The following GRIP1 variants were observed in gnomAD, a reference collection of about 807,000 sequenced individuals.
GRIP1 encodes glutamate receptor interacting protein 1.
Under a neutral mutation model 129.9 loss-of-function variants are expected in GRIP1, and 45 were observed. That is an observed-to-expected ratio of 0.35 (90% CI 0.27 to 0.44). GRIP1 has a LOEUF of 0.44. Ranked by LOEUF, GRIP1 falls within the 20% of genes least tolerant of loss-of-function variation. The probability of loss-of-function intolerance (pLI) is 1.00; values close to 1 mark genes in which losing one functional copy is unlikely to be tolerated. For synonymous variants in GRIP1, 530 were observed against 520.8 expected (o/e 1.02, Z -0.24); for missense variants, 1,196 against 1,396.8 (o/e 0.86, Z 2.29).
At chr12:66,351,690 G>A (rs556727752) in intron 24 of GRIP1, among the ~76,000 whole-genome samples, 6 of 151,870 alleles carry the variant, frequency 4.0e-5, no homozygotes, top group Admixed American at 2.6e-4. Flanking sequence ...GCTGCTGTTC[G>A]ATATAGGAGG....
At chr12:66,527,036 G>T (rs1424021502) in intron 5 of GRIP1, among the ~76,000 whole-genome samples, 1 of 142,758 alleles carries the variant, frequency 7.0e-6, no homozygotes, top group Non-Finnish European at 1.5e-5. Flanking sequence ...ACAGGTGCTG[G>T]AGAGGATGTG....
chr12:66,706,671 CA>C (rs1397737185), intron 1 of GRIP1, among the ~76,000 whole-genome samples: 7 of 151,990 alleles, frequency 4.6e-5, no homozygotes, highest in Non-Finnish European at 1.0e-4. Flanking sequence ...ATACACCACG[CA>C]ATACTATGCA....
chr12:66,465,266 A>G lies in GRIP1; in HGVS notation c.872+9T>C, dbSNP rs917043682. 23 of 1,612,784 alleles carry G rather than the reference A, an allele frequency of 1.4e-5. No homozygotes were observed. Among genetic ancestry groups the G allele is most frequent in the Non-Finnish European group, 2.0e-5 (23 of 1,179,080 alleles). On this transcript the variant is annotated intron_variant, in intron 8 of 24. Transcript: ENST00000359742. ...TGGCGGAAAAGTAGGCACTTTCTACAATACTTACCTGTCTGCAATACTTGC... is the reference window on the plus strand; with the variant it reads ...TGGCGGAAAAGTAGGCACTTTCTACGATACTTACCTGTCTGCAATACTTGC...
intron 1 of GRIP1, among the ~76,000 whole-genome samples, chr12:66,752,779 T>C (rs2037167613): frequency 6.6e-6 from 1 of 152,172 alleles, no homozygotes; most frequent in African/African-American, 2.4e-5. Flanking sequence ...AGGGAAACTG[T>C]AGGGAAATAT....
At chr12:66,597,769 C>A (rs1038892302) in intron 1 of GRIP1, among the ~76,000 whole-genome samples, 57 of 150,286 alleles carry the variant, frequency 3.8e-4, no homozygotes, top group Non-Finnish European at 1.8e-4. Context: ...TTTTTTTTAA[C>A]CTTGAAAAGG....
intron 1 of GRIP1, among the ~76,000 whole-genome samples, chr12:66,955,181 C>A (rs1458480982): frequency 6.6e-6 from 1 of 152,118 alleles, no homozygotes; most frequent in Non-Finnish European, 1.5e-5. Flanking sequence ...GATACTGGGA[C>A]TGGAGCAGTG....
At chr12:66,910,249 C>T (rs904814850) in intron 1 of GRIP1, among the ~76,000 whole-genome samples, 1 of 152,156 alleles carries the variant, frequency 6.6e-6, no homozygotes, top group African/African-American at 2.4e-5. Context: ...GCCTTTCTCC[C>T]CAGTTGTCAT....
intron 1 of GRIP1, among the ~76,000 whole-genome samples, chr12:66,966,592 G>A (rs538955551): frequency 3.3e-5 from 5 of 152,140 alleles, no homozygotes; most frequent in South Asian, 2.1e-4. Context: ...GTTTCCTTAC[G>A]GTCCTCTTGG....
intron 1 of GRIP1, among the ~76,000 whole-genome samples, chr12:66,780,985 C>T (rs2038140385): frequency 6.6e-6 from 1 of 152,114 alleles, no homozygotes; most frequent in Non-Finnish European, 1.5e-5. Context: ...AAACTGTCTG[C>T]TGTGCTCCAT....
At chr12:66,826,394 A>G (rs2039413967) in intron 1 of GRIP1, among the ~76,000 whole-genome samples, 1 of 152,152 alleles carries the variant, frequency 6.6e-6, no homozygotes, top group Non-Finnish European at 1.5e-5. Context: ...TGGCACGTGT[A>G]TATCTATGTT....
intron 1 of GRIP1, among the ~76,000 whole-genome samples, chr12:66,789,386 T>C (rs552422515): frequency 2.0e-5 from 3 of 152,272 alleles, no homozygotes; most frequent in South Asian, 4.1e-4. Flanking sequence ...CCATTTAAAT[T>C]TTCAGTGCTT....
chr12:66,826,382 C>A (rs965476211), intron 1 of GRIP1, among the ~76,000 whole-genome samples: 9 of 151,980 alleles, frequency 5.9e-5, no homozygotes, highest in Non-Finnish European at 1.0e-4. Context: ...AGCAAACCAC[C>A]ATGGCACGTG....
At chr12:66,368,466 T>C (rs1020813993) in intron 23 of GRIP1, among the ~76,000 whole-genome samples, 2 of 152,136 alleles carry the variant, frequency 1.3e-5, no homozygotes, top group African/African-American at 4.8e-5. Flanking sequence ...CGGTGTGCTA[T>C]TCATCTCTCC....
chr12:66,498,114 C>T (rs916931395), intron 7 of GRIP1, among the ~76,000 whole-genome samples: 2 of 152,206 alleles, frequency 1.3e-5, no homozygotes, highest in African/African-American at 4.8e-5. Context: ...CCACCCTTAT[C>T]TCCCTTCGCT....
At chr12:66,748,998 A>G (rs2037041255) in intron 1 of GRIP1, among the ~76,000 whole-genome samples, 1 of 152,204 alleles carries the variant, frequency 6.6e-6, no homozygotes, top group Non-Finnish European at 1.5e-5. Flanking sequence ...GGGATAATGC[A>G]CAGCAGACAC....
chr12:67,017,658 T>C (rs2042807937), intron 1 of GRIP1, among the ~76,000 whole-genome samples: 1 of 152,098 alleles, frequency 6.6e-6, no homozygotes. Context: ...GCACTGGAAG[T>C]AACATGGTGT....
intron 14 of GRIP1, among the ~76,000 whole-genome samples, chr12:66,426,389 T>C (rs1471866008): frequency 6.6e-6 from 1 of 152,284 alleles, no homozygotes; most frequent in Non-Finnish European, 1.5e-5. Context: ...AATATTTGTA[T>C]AGAAGTTTAG....
Position 66,377,248 on chromosome 12 carries a change from C to T in GRIP1, c.2659G>A (p.Glu887Lys). Residue 887 changes from glutamate to lysine, a missense_variant, in exon 21 of 25, where the codon GAG becomes AAG. Glu to Lys is a moderately conservative substitution (Grantham distance 56). Coordinates refer to ENST00000359742, the MANE Select transcript of GRIP1 (RefSeq NM_001366722.1). ...AGCGCTTGAGACCAGAAGTTCTCCT[C>T]TTGTTCTGTCTCTGCACTATCGGCA... ...GAADSAETEQ[E>K]ENFWSQALED... 1 of 1,613,830 alleles carries T rather than the reference C, an allele frequency of 6.2e-7. No homozygotes were observed. The highest frequency in any genetic ancestry group is 8.5e-7 in the Non-Finnish European group (1 of 1,179,722).
intron 1 of GRIP1, among the ~76,000 whole-genome samples, chr12:67,023,172 G>A (rs866186795): frequency 2.6e-5 from 4 of 152,126 alleles, no homozygotes; most frequent in Admixed American, 6.5e-5. Flanking sequence ...TTTAGATTAT[G>A]TTTTGGGATA....
Sources: gnomAD v4.1 joint callset for allele counts (sites outside exome capture counted in the v4.1 genomes callset) on GRCh38, gnomAD v4.1.1 for gene constraint, MANE v1.5 for transcripts, NCBI Gene and HGNC (gene_info 2026-07-23, HGNC 2026-07-21) for gene names.